SUSD4: variants seen among roughly 807,000 people sequenced by gnomAD.
The protein encoded by SUSD4 is sushi domain containing 4.
SUSD4 carries 41 observed loss-of-function variants against 50.5 expected under a neutral mutation model. The ratio of observed to expected loss-of-function variants is 0.81; its 90% confidence interval spans 0.63 to 1.05. SUSD4 has a LOEUF of 1.05. SUSD4 is among the 50% of genes least tolerant of loss of function. The pLI is 0.00. For synonymous variants in SUSD4, 257 were observed against 257.3 expected, an observed-to-expected ratio of 1.00 and a Z score of 0.01; for missense variants, 580 against 634.7, an observed-to-expected ratio of 0.91 and a Z score of 0.93.
intron 3 of SUSD4, among the ~76,000 whole-genome samples, chr1:223,277,302 A>G (rs1035811391): frequency 3.8e-5 from 2 of 53,248 alleles, no homozygotes; most frequent in Admixed American, 1.7e-4. Flanking sequence ...TGAATGGATG[A>G]TATTTTTTTT....
chr1:223,233,081 AG>A (rs1056030302), intron 5 of SUSD4, among the ~76,000 whole-genome samples: 5 of 152,260 alleles, frequency 3.3e-5, no homozygotes, highest in African/African-American at 1.2e-4. Context: ...GGATTGCACC[AG>A]GGAAGCCCCA....
intron 3 of SUSD4, among the ~76,000 whole-genome samples, chr1:223,288,827 T>A (rs1664303153): frequency 6.6e-6 from 1 of 152,224 alleles, no homozygotes; most frequent in Non-Finnish European, 1.5e-5. Flanking sequence ...TAATTCTTTA[T>A]GATGTACAAA....
chr1:223,266,641 C>G (rs772311594), intron 4 of SUSD4, among the ~76,000 whole-genome samples: 2 of 152,172 alleles, frequency 1.3e-5, no homozygotes, highest in Non-Finnish European at 2.9e-5. Context: ...ATGTAACAGT[C>G]GAAAATGGGC....
Position 223,221,850 on chromosome 1 carries a change from C to G in SUSD4, c.*342G>C, listed in dbSNP as rs760862987. The G allele has an allele frequency of 4.5e-5, 11 of 244,596 alleles. No homozygotes were observed. Among genetic ancestry groups the G allele is most frequent in the Non-Finnish European group, 3.9e-5 (5 of 128,892 alleles). 15.2% of individuals were successfully genotyped at this position (244,596 alleles called of 1,614,324 possible). ...TTCAGAGGGGGCGGGGAGTACTTGC[C>G]AGTCAATGGGATGCGTGATGATTCG... On this transcript the variant is annotated 3_prime_UTR_variant, in exon 9 of 9. Transcript: ENST00000366878.
chr1:223,250,986 C>T (rs537957470), intron 5 of SUSD4, among the ~76,000 whole-genome samples: 1 of 152,230 alleles, frequency 6.6e-6, no homozygotes, highest in East Asian at 1.9e-4. Flanking sequence ...TGCAGTGGAT[C>T]GAATTGGGTA....
At chr1:223,287,221 C>T (rs778876341) in intron 3 of SUSD4, among the ~76,000 whole-genome samples, 42 of 152,174 alleles carry the variant, frequency 2.8e-4, no homozygotes, top group African/African-American at 7.5e-4. Context: ...GGATCATAGG[C>T]GCGAGCCACC....
intron 2 of SUSD4, among the ~76,000 whole-genome samples, chr1:223,297,650 C>A (rs1353108770): frequency 6.6e-6 from 1 of 152,200 alleles, no homozygotes; most frequent in Non-Finnish European, 1.5e-5. Flanking sequence ...CCTGCAGAGT[C>A]TGAATAGGAG....
chr1:223,364,716 G>T (rs1372589173), upstream of SUSD4, among the ~76,000 whole-genome samples: 1 of 151,704 alleles, frequency 6.6e-6, no homozygotes, highest in East Asian at 2.0e-4. The surrounding 1 kb of genome is among the most constrained non-coding windows in gnomAD (Gnocchi z 4.5). Context: ...AACTACCGCC[G>T]CGGCGGTGGC....
At position 223,317,744 on chromosome 1, in the gene SUSD4, G is replaced by A. The variant is rs549894179; in HGVS notation, c.149-25093C>T. Among the ~76,000 whole-genome samples the A allele has an allele frequency of 2.8e-4, 42 of 150,134 alleles. 1 individual carries two copies. The South Asian group carries it at 6.6e-3, about 23-fold the overall frequency. On this transcript the variant is annotated intron_variant, in intron 2 of 8. Coordinates refer to ENST00000366878, the MANE Select transcript of SUSD4 (RefSeq NM_017982.4). ...TATTTATGATTATTATTAAATCAAT[G>A]TCTCTCATGAGGCCAGGAAGCCCAT...
At chr1:223,283,588 C>T (rs1265636383) in intron 3 of SUSD4, among the ~76,000 whole-genome samples, 1 of 152,246 alleles carries the variant, frequency 6.6e-6, no homozygotes, top group Non-Finnish European at 1.5e-5. Context: ...ACAACAGGTG[C>T]TGGAGAGGAT....
intron 3 of SUSD4, among the ~76,000 whole-genome samples, chr1:223,286,962 T>C (rs1664185027): frequency 6.6e-6 from 1 of 152,192 alleles, no homozygotes; most frequent in Non-Finnish European, 1.5e-5. Flanking sequence ...TTCTGGGTGA[T>C]GTAGGTTGGA....
intron 2 of SUSD4, among the ~76,000 whole-genome samples, chr1:223,334,442 A>G (rs1419686382): frequency 6.6e-6 from 1 of 152,188 alleles, no homozygotes; most frequent in African/African-American, 2.4e-5. Context: ...AAATCATCGA[A>G]GAATATTTTT....
intron 2 of SUSD4, among the ~76,000 whole-genome samples, chr1:223,296,614 A>T (rs1664842685): frequency 6.6e-6 from 1 of 152,170 alleles, no homozygotes; most frequent in Non-Finnish European, 1.5e-5. Context: ...CCCAGAAAGG[A>T]TGATAGAGTT....
intron 5 of SUSD4, among the ~76,000 whole-genome samples, chr1:223,245,085 T>TA (rs2103029781): frequency 6.6e-6 from 1 of 152,154 alleles, no homozygotes; most frequent in South Asian, 2.1e-4. Flanking sequence ...GACAAATAAA[T>TA]AGAGAAATCA....
chr1:223,223,434 G>A lies in SUSD4; in HGVS notation c.1259C>T (p.Thr420Met), dbSNP rs769689350. 2.4e-5 allele frequency: 38 copies of A among 1,613,798 alleles called. No individual in the cohort carries two copies. The highest frequency in any genetic ancestry group is 4.5e-5 in the East Asian group (2 of 44,888). ...TTCTGACTCCCCTGGGCCTGTGTCCGTGTCCCCTGAGCCGGGGTATGCTGG... is the reference window on the plus strand; with the variant it reads ...TTCTGACTCCCCTGGGCCTGTGTCCATGTCCCCTGAGCCGGGGTATGCTGG... ...SPPAYPGSGD[T>M]DTGPGESETC... The change falls in exon 8 of 9, where the codon ACG becomes ATG. Residue 420 changes from threonine (T) to methionine (M), a missense_variant. Coordinates refer to ENST00000366878, the MANE Select transcript of SUSD4 (RefSeq NM_017982.4).
intron 3 of SUSD4, among the ~76,000 whole-genome samples, chr1:223,275,674 T>C (rs1203144372): frequency 6.6e-6 from 1 of 152,204 alleles, no homozygotes; most frequent in Admixed American, 6.5e-5. Context: ...CATCTGAGCT[T>C]GGGGCCTGGA....
At chr1:223,276,443 G>T (rs1282338977) in intron 3 of SUSD4, among the ~76,000 whole-genome samples, 1 of 152,176 alleles carries the variant, frequency 6.6e-6, no homozygotes, top group Non-Finnish European at 1.5e-5. Context: ...CACTTACTGG[G>T]GGCTTGGTTG....
At chr1:223,322,731 A>G (rs34238669) in intron 2 of SUSD4, among the ~76,000 whole-genome samples, 80,517 of 152,014 alleles carry the variant, frequency 0.53, 21,345 homozygotes, top group African/African-American at 0.55. Context: ...CAATGGGAAC[A>G]GTGCATTCAC....
At chr1:223,311,195 C>T (rs1665852449) in intron 2 of SUSD4, among the ~76,000 whole-genome samples, 1 of 152,220 alleles carries the variant, frequency 6.6e-6, no homozygotes, top group South Asian at 2.1e-4. Context: ...GATAATGAAC[C>T]ATTACATCCT....
Sources: allele counts gnomAD v4.1 joint callset (sites outside exome capture counted in the v4.1 genomes callset), GRCh38; gene constraint gnomAD v4.1.1; non-coding constraint Gnocchi (gnomAD v3.1); transcripts MANE v1.5; gene names NCBI Gene and HGNC (gene_info 2026-07-23, HGNC 2026-07-21).